Variants in SOX5 observed in about 807,000 individuals in gnomAD.
SOX5 encodes the protein SRY-box transcription factor 5.
Under a neutral mutation model 92.0 loss-of-function variants are expected in SOX5, and 9 were observed. That is an observed-to-expected ratio of 0.10 (90% confidence interval 0.06 to 0.17). The LOEUF (loss-of-function observed/expected upper bound fraction) is 0.17. Among genes scored for constraint, SOX5 ranks in the 10% least tolerant of loss-of-function variants. SOX5 has a pLI of 1.00. For missense variants in SOX5, 642 were observed against 944.5 expected (o/e 0.68, Z 4.20); for synonymous variants, 344 against 336.3 (o/e 1.02, Z -0.25).
intron 9 of SOX5, among the ~76,000 whole-genome samples, chr12:23,582,468 C>T (rs763724158): frequency 3.3e-5 from 5 of 152,064 alleles, no homozygotes; most frequent in Non-Finnish European, 7.4e-5. Flanking sequence ...ATTAATAATC[C>T]TACTCGCGTA....
At chr12:24,180,672 G>A (rs1406364619) in intron 4 of SOX5, among the ~76,000 whole-genome samples, 4 of 152,090 alleles carry the variant, frequency 2.6e-5, no homozygotes, top group Non-Finnish European at 5.9e-5. Context: ...CCCTATCCAA[G>A]CATCAATTTA....
chr12:24,183,455 C>A (rs1372137398), intron 4 of SOX5, among the ~76,000 whole-genome samples: 1 of 152,092 alleles, frequency 6.6e-6, no homozygotes, highest in Non-Finnish European at 1.5e-5. Flanking sequence ...TGCCAGTGTA[C>A]CATAAGGAAT....
At chr12:24,209,228 G>A (rs762307890) in intron 4 of SOX5, among the ~76,000 whole-genome samples, 4 of 152,286 alleles carry the variant, frequency 2.6e-5, no homozygotes, top group Middle Eastern at 6.8e-3. Flanking sequence ...ACTCTTATGG[G>A]AGTGGAGAAT....
chr12:23,804,866 T>A (rs1394606449), intron 3 of SOX5, among the ~76,000 whole-genome samples: 3 of 144,580 alleles, frequency 2.1e-5, no homozygotes, highest in Non-Finnish European at 4.5e-5. Flanking sequence ...TCTTATGGAA[T>A]TTATTATTTC....
At chr12:24,420,692 T>C (rs1965774611) in intron 1 of SOX5, among the ~76,000 whole-genome samples, 1 of 152,170 alleles carries the variant, frequency 6.6e-6, no homozygotes, top group African/African-American at 2.4e-5. Context: ...TCACAGTTAG[T>C]AAATGAAAAC....
intron 2 of SOX5, among the ~76,000 whole-genome samples, chr12:24,352,739 C>A (rs1423350888): frequency 1.3e-5 from 2 of 152,140 alleles, no homozygotes; most frequent in Non-Finnish European, 1.5e-5. Context: ...CTAACATTTG[C>A]AGACCCAGGA....
At chr12:24,420,995 G>T (rs149271360) in intron 1 of SOX5, among the ~76,000 whole-genome samples, 7 of 145,494 alleles carry the variant, frequency 4.8e-5, no homozygotes, top group Admixed American at 7.0e-5. Context: ...CAGATAAGTT[G>T]TAAGGAAAAG....
chr12:23,843,537 T>C (rs894062494), intron 3 of SOX5, among the ~76,000 whole-genome samples: 1 of 150,524 alleles, frequency 6.6e-6, no homozygotes, highest in Admixed American at 6.6e-5. Context: ...CTTCAGAATA[T>C]TTGACAGTCA....
At chr12:24,192,808 C>G (rs533230884) in intron 4 of SOX5, among the ~76,000 whole-genome samples, 1 of 152,290 alleles carries the variant, frequency 6.6e-6, no homozygotes, top group South Asian at 2.1e-4. Context: ...CATTCATCTT[C>G]CCTGTCCTCC....
chr12:24,251,575 T>G (rs1940056796), intron 3 of SOX5, among the ~76,000 whole-genome samples: 2 of 151,560 alleles, frequency 1.3e-5, no homozygotes, highest in African/African-American at 2.4e-5. Context: ...GTTTTTTGTT[T>G]TTTTTTTTTT....
At chr12:24,280,025 T>G (rs1392910063) in intron 2 of SOX5, among the ~76,000 whole-genome samples, 2 of 152,104 alleles carry the variant, frequency 1.3e-5, no homozygotes, top group African/African-American at 4.8e-5. Flanking sequence ...AAATCATTGT[T>G]TTTTTTTCTC....
intron 6 of SOX5, among the ~76,000 whole-genome samples, chr12:23,672,221 A>G (rs1363063203): frequency 2.0e-5 from 3 of 152,064 alleles, no homozygotes; most frequent in South Asian, 2.1e-4. Flanking sequence ...CCCACATCCA[A>G]TCCCCCTGTA....
chr12:24,027,884 T>C (rs17403688), intron 4 of SOX5, among the ~76,000 whole-genome samples: 19,754 of 151,874 alleles, frequency 0.13, 1,442 homozygotes, highest in Non-Finnish European at 0.17. Flanking sequence ...CACAACAGAC[T>C]TTTCCCCTCA....
intron 4 of SOX5, among the ~76,000 whole-genome samples, chr12:24,210,043 A>G (rs1027697286): frequency 2.7e-5 from 4 of 150,326 alleles, no homozygotes; most frequent in South Asian, 2.1e-4. Flanking sequence ...AAAAAAAAAA[A>G]AAAGAAATAA....
chr12:24,528,320 A>T (rs1383733923), intron 1 of SOX5, among the ~76,000 whole-genome samples: 1 of 152,050 alleles, frequency 6.6e-6, no homozygotes, highest in African/African-American at 2.4e-5. Flanking sequence ...TCATGGCTGG[A>T]GGTCTTTCCC....
At chr12:23,789,868 A>G (rs1402546204) in intron 3 of SOX5, among the ~76,000 whole-genome samples, 1 of 152,194 alleles carries the variant, frequency 6.6e-6, no homozygotes, top group Non-Finnish European at 1.5e-5. Context: ...AAACACTGAT[A>G]CATTTCATAC....
intron 4 of SOX5, among the ~76,000 whole-genome samples, chr12:24,035,635 A>G (rs1955955060): frequency 6.6e-6 from 1 of 152,156 alleles, no homozygotes; most frequent in African/African-American, 2.4e-5. Flanking sequence ...AGGTTAAAAA[A>G]TAAATCACAC....
intron 1 of SOX5, among the ~76,000 whole-genome samples, chr12:24,421,327 AAT>A (rs1357177539): frequency 6.6e-6 from 1 of 152,174 alleles, no homozygotes; most frequent in East Asian, 1.9e-4. Context: ...TATAATATGC[AAT>A]ATAAAGAAAA....
chr12:24,094,462 T>A (rs1029233045), intron 4 of SOX5, among the ~76,000 whole-genome samples: 1 of 151,566 alleles, frequency 6.6e-6, no homozygotes, highest in African/African-American at 2.4e-5. Context: ...GGCTTTTTTT[T>A]TTTTTTTTGT....
Sources: allele counts gnomAD v4.1 joint callset (sites outside exome capture counted in the v4.1 genomes callset), GRCh38; gene constraint gnomAD v4.1.1; transcripts MANE v1.5; gene names NCBI Gene and HGNC (gene_info 2026-07-23, HGNC 2026-07-21).